Variants in DLG1 observed in about 807,000 individuals in gnomAD.
DLG1 encodes disks large homolog 1.
A neutral mutation model predicts 123.4 loss-of-function variants in DLG1; 42 were observed. That is an observed-to-expected ratio of 0.34 (90% CI 0.27 to 0.44). The LOEUF (loss-of-function observed/expected upper bound fraction) is 0.44, where lower values mean the gene tolerates loss of function less well. Ranked by LOEUF, DLG1 falls within the 20% of genes least tolerant of loss-of-function variation. DLG1 has a pLI of 1.00. For missense variants in DLG1, 942 were observed against 1,082.6 expected, an observed-to-expected ratio of 0.87 and a Z score of 1.82; for synonymous variants, 317 against 356.2, an observed-to-expected ratio of 0.89 and a Z score of 1.24.
intron 4 of DLG1, among the ~76,000 whole-genome samples, chr3:197,201,308 C>T (rs1282616143): frequency 6.6e-6 from 1 of 152,142 alleles, no homozygotes. Flanking sequence ...GGTGTGAACC[C>T]GGGAGGCGGA....
intron 18 of DLG1, chr3:197,070,981 C>G (rs1298655919): frequency 4.6e-5 from 7 of 152,058 alleles, no homozygotes; most frequent in African/African-American, 9.7e-5. Flanking sequence ...TAGATTGATA[C>G]ATTATTTACC....
chr3:197,107,055 G>A (rs922784842), intron 13 of DLG1, among the ~76,000 whole-genome samples: 1 of 152,056 alleles, frequency 6.6e-6, no homozygotes, highest in African/African-American at 2.4e-5. Context: ...CAACTACGAA[G>A]CTACTTTCTG....
intron 4 of DLG1, among the ~76,000 whole-genome samples, chr3:197,224,098 C>T (rs73088417): frequency 0.011 from 1,638 of 152,066 alleles, 34 homozygotes; most frequent in African/African-American, 0.037. Context: ...AACTTAGATG[C>T]CCTTTTAACT....
chr3:197,216,770 G>A (rs918265675), intron 4 of DLG1, among the ~76,000 whole-genome samples: 3 of 152,208 alleles, frequency 2.0e-5, no homozygotes, highest in African/African-American at 7.2e-5. Context: ...CCAGACACTA[G>A]TCAACAGCCA....
intron 11 of DLG1, among the ~76,000 whole-genome samples, chr3:197,130,107 AGTCTCTGTGAAGT>A (rs1461961901): frequency 1.3e-5 from 2 of 152,210 alleles, no homozygotes; most frequent in Non-Finnish European, 2.9e-5. Context: ...TAATAAATGT[AGTCTCTGTGAAGT>A]GCAATAAAGC....
At chr3:197,148,536 T>C (rs1296552891) in intron 6 of DLG1, among the ~76,000 whole-genome samples, 1 of 151,994 alleles carries the variant, frequency 6.6e-6, no homozygotes, top group African/African-American at 2.4e-5. Context: ...TACCCATATA[T>C]TTACAGTTAA....
In DLG1 at chr3:197,051,595, A is replaced by G; in HGVS notation, c.2557T>C (p.Phe853Leu). 6.2e-7 allele frequency: 1 copy of G among 1,613,646 alleles called. No individual in the cohort carries two copies. Among genetic ancestry groups the G allele is most frequent in the Non-Finnish European group, 8.5e-7 (1 of 1,179,718 alleles). ...FERAMKLEQE[F>L]TEHFTAIVQG... ...TTCCAACCTGTGAAATGTTCAGTAA[A>G]CTCCTGTTCCAGTTTCATGGCTCTC... The change falls in exon 24 of 25, where the codon TTT becomes CTT. Residue 853 changes from phenylalanine (F) to leucine (L), a missense_variant. By Grantham distance (22) the Phe-to-Leu change is conservative. Coordinates refer to ENST00000667157, the MANE Select transcript of DLG1 (RefSeq NM_001366207.1).
chr3:197,285,078 A>T (rs904984099), intron 3 of DLG1, among the ~76,000 whole-genome samples: 4 of 151,896 alleles, frequency 2.6e-5, no homozygotes, highest in Non-Finnish European at 4.4e-5. Flanking sequence ...ACATTTCAGA[A>T]GCCTTCAAAT....
At chr3:197,078,932 G>A (rs1749109134) in intron 17 of DLG1, among the ~76,000 whole-genome samples, 1 of 152,146 alleles carries the variant, frequency 6.6e-6, no homozygotes, top group Non-Finnish European at 1.5e-5. Flanking sequence ...TATCTTTGCA[G>A]TTAGCCAAAA....
chr3:197,236,422 C>T (rs938877374), intron 4 of DLG1, among the ~76,000 whole-genome samples: 10 of 151,990 alleles, frequency 6.6e-5, no homozygotes, highest in East Asian at 1.9e-4. Flanking sequence ...AAGTTCTTCA[C>T]GCTGAAAAAA....
intron 16 of DLG1, 194 bp downstream of exon 16, chr3:197,085,386 T>C (rs1753706935): frequency 1.8e-6 from 1 of 570,402 alleles, no homozygotes; most frequent in Admixed American, 3.1e-5. Context: ...CCACCATTCT[T>C]CTCTGTATGA....
chr3:197,219,928 A>C (rs895922037), intron 4 of DLG1, among the ~76,000 whole-genome samples: 1 of 152,228 alleles, frequency 6.6e-6, no homozygotes, highest in African/African-American at 2.4e-5. Context: ...TGTCTAAGCC[A>C]ACCAATAAAT....
At chr3:197,081,657 G>T (rs1188432538) in intron 16 of DLG1, among the ~76,000 whole-genome samples, 1 of 151,566 alleles carries the variant, frequency 6.6e-6, no homozygotes, top group Admixed American at 6.6e-5. Flanking sequence ...ATGTGTGTGT[G>T]TGTGTAAATA....
chr3:197,223,774 T>C (rs996697297), intron 4 of DLG1, among the ~76,000 whole-genome samples: 2 of 152,256 alleles, frequency 1.3e-5, no homozygotes, highest in Non-Finnish European at 2.9e-5. Context: ...ATAATTCTGG[T>C]ATAATTCCCA....
rs554530946 is a variant in DLG1 at position 197,043,341 on chromosome 3, C to T, written c.*1282G>A. The T allele has an allele frequency of 5.9e-5, 9 of 152,124 alleles. No individual in the cohort carries two copies. Among genetic ancestry groups the T allele is most frequent in the African/African-American group, 2.2e-4 (9 of 41,520 alleles). The allele number at this position is 152,124 out of a possible 1,614,324, so 9.4% of individuals were successfully genotyped here. ...GATGACAAGAACAACAGTAACAACA[C>T]GGACAACAACAAAAAACCTCAGGAA... On this transcript the variant is annotated 3_prime_UTR_variant, in exon 25 of 25. Transcript: ENST00000667157.
chr3:197,079,667 T>G, intron 17 of DLG1, among the ~76,000 whole-genome samples: 1 of 152,206 alleles, frequency 6.6e-6, no homozygotes, highest in East Asian at 1.9e-4. Context: ...ATTAAAAAAT[T>G]CACATTTTTC....
intron 15 of DLG1, among the ~76,000 whole-genome samples, chr3:197,087,048 A>G (rs1019195264): frequency 2.0e-5 from 3 of 152,176 alleles, no homozygotes; most frequent in Non-Finnish European, 2.9e-5. Flanking sequence ...TAAGAGTGCA[A>G]TGAACATCTG....
At chr3:197,052,442 G>A (rs1478555924) in intron 23 of DLG1, among the ~76,000 whole-genome samples, 6 of 152,154 alleles carry the variant, frequency 3.9e-5, no homozygotes, top group Middle Eastern at 3.4e-3. Flanking sequence ...GTGACAGAGC[G>A]AGACTCTGTC....
At chr3:197,066,451 T>G (rs1739597671) in intron 20 of DLG1, among the ~76,000 whole-genome samples, 1 of 152,096 alleles carries the variant, frequency 6.6e-6, no homozygotes, top group African/African-American at 2.4e-5. Context: ...AAGATAGTGA[T>G]GCTAACAAGA....
Sources: allele counts gnomAD v4.1 joint callset (sites outside exome capture counted in the v4.1 genomes callset), GRCh38; gene constraint gnomAD v4.1.1; transcripts MANE v1.5; gene names NCBI Gene and HGNC (gene_info 2026-07-23, HGNC 2026-07-21).